The following TNKS variants were observed in gnomAD, a reference collection of about 807,000 sequenced individuals.
TNKS encodes tankyrase.
TNKS carries 72 observed loss-of-function variants against 135.8 expected under a neutral mutation model. The observed-to-expected ratio is 0.53, with a 90% CI of 0.44 to 0.64. The LOEUF (loss-of-function observed/expected upper bound fraction) is 0.64. TNKS is among the 30% of genes least tolerant of loss of function. The pLI is 0.00. For synonymous variants in TNKS, 849 were observed against 649.3 expected, an observed-to-expected ratio of 1.31 and a Z score of -4.68; for missense variants, 1,769 against 1,674.0, an observed-to-expected ratio of 1.06 and a Z score of -0.99.
In TNKS at chr8:9,754,090, T is replaced by C. The variant is rs1345763312; in HGVS notation, c.3153+1464T>C. Among the ~76,000 whole-genome samples the C allele has an allele frequency of 2.0e-5, 3 of 152,206 alleles. No homozygotes were observed. The East Asian group carries it at 5.8e-4, about 29-fold the overall frequency. On this transcript the variant is annotated intron_variant, in intron 20 of 26. Coordinates refer to ENST00000310430, the MANE Select transcript of TNKS (RefSeq NM_003747.3). ...TTTGCATTGAATTTGAGGCCACCAG[T>C]ATAATCCTGGGTGATCTCCTCATCT...
chr8:9,702,290 G>A (rs887883671), intron 5 of TNKS, among the ~76,000 whole-genome samples: 2 of 151,760 alleles, frequency 1.3e-5, no homozygotes, highest in African/African-American at 4.8e-5. Context: ...TCCAATTGTG[G>A]GCATGCATGC....
At chr8:9,576,029 G>T (rs921440920) in intron 1 of TNKS, among the ~76,000 whole-genome samples, 3 of 152,170 alleles carry the variant, frequency 2.0e-5, no homozygotes, top group African/African-American at 7.2e-5. Flanking sequence ...ACCTTCTGTA[G>T]AAGGTGTAGA....
chr8:9,659,625 A>G (rs1286573798), intron 3 of TNKS, among the ~76,000 whole-genome samples: 1 of 152,224 alleles, frequency 6.6e-6, no homozygotes, highest in Non-Finnish European at 1.5e-5. Flanking sequence ...TGCCCACAAG[A>G]GAAAGCAGGA....
At chr8:9,768,911 C>A (rs1807627612) in intron 25 of TNKS, among the ~76,000 whole-genome samples, 1 of 152,168 alleles carries the variant, frequency 6.6e-6, no homozygotes, top group African/African-American at 2.4e-5. Flanking sequence ...GGATCCAGCA[C>A]AAATTTTAGT....
chr8:9,768,753 A>G (rs1807616433), intron 25 of TNKS, among the ~76,000 whole-genome samples: 1 of 152,238 alleles, frequency 6.6e-6, no homozygotes, highest in Non-Finnish European at 1.5e-5. Context: ...GTAGAGAGAG[A>G]TGGAGCTCAA....
At chr8:9,734,190 C>G (rs184687311) in intron 15 of TNKS, among the ~76,000 whole-genome samples, 6 of 152,244 alleles carry the variant, frequency 3.9e-5, no homozygotes, top group African/African-American at 1.4e-4. Context: ...GAAATAACTT[C>G]CAAGTCATTG....
chr8:9,768,932 T>TA (rs1188203846), intron 25 of TNKS, among the ~76,000 whole-genome samples: 1 of 152,206 alleles, frequency 6.6e-6, no homozygotes, highest in African/African-American at 2.4e-5. Context: ...TGACTCAAGA[T>TA]AAAATCTCTG....
In TNKS at chr8:9,766,402, C is replaced by G; in HGVS notation, c.3717C>G (p.Asp1239Glu). The stretch of plus-strand genomic sequence containing the variant: ...GAACAGGCTGCCCTACACACAAGGA[C>G]AGGTCATGCTATATATGTCACAGGT... ...GGGTGCPTHK[D>E]RSCYICHRQM... Residue 1239 changes from aspartate (D) to glutamate (E), a missense_variant, in exon 25 of 27, where the codon GAC becomes GAG. This residue lies in a region of TNKS where 722 missense variants were observed against 688.9 expected (regional missense o/e 1.05). Transcript: ENST00000310430. The G allele has an allele frequency of 6.2e-7, 1 of 1,610,672 alleles. No individual in the cohort carries two copies. Among genetic ancestry groups the G allele is most frequent in the Non-Finnish European group, 8.5e-7 (1 of 1,178,138 alleles).
At chr8:9,706,097 T>C in intron 6 of TNKS, 90 bp from the exon 7 acceptor site, 1 of 785,410 alleles carries the variant, frequency 1.3e-6, no homozygotes, top group East Asian at 3.0e-5. Flanking sequence ...AATAATTGTA[T>C]TGGGATTTAT....
intron 5 of TNKS, among the ~76,000 whole-genome samples, chr8:9,699,772 G>GCT (rs1028728216): frequency 1.1e-4 from 16 of 152,084 alleles, no homozygotes; most frequent in African/African-American, 3.6e-4. Flanking sequence ...CATAGAGTTT[G>GCT]CTCTCTCTCT....
In TNKS at chr8:9,561,240, G is replaced by T. The variant is rs558539326; in HGVS notation, c.673+4628G>T. Among the ~76,000 whole-genome samples the T allele has an allele frequency of 1.6e-4, 25 of 152,202 alleles. No individual in the cohort carries two copies. The East Asian group carries it at 1.9e-3, about 12-fold the overall frequency. On this transcript the variant is annotated intron_variant, in intron 1 of 26. Transcript: ENST00000310430. ...TATTTGTGTAAAGATTTATCTTTTA[G>T]TGTGAAATCTGTGCAAATCTTATGT...
rs1440850807 is a variant in TNKS, at chr8:9,777,959, C to G, written c.*1223C>G. 6.6e-6 allele frequency: 1 copy of G among 152,558 alleles called. No homozygotes were observed. The highest frequency in any genetic ancestry group is 2.4e-5 in the African/African-American group (1 of 41,416). The allele number at this position is 152,558 out of a possible 1,614,324, so 9.5% of individuals were successfully genotyped here. ...ATGCTTCAAATAGTTCATAAAGATC[C>G]TTGCATTAAATTTCTGAACCATTTC... On this transcript the variant is annotated 3_prime_UTR_variant, in exon 27 of 27. Coordinates refer to ENST00000310430, the MANE Select transcript of TNKS (RefSeq NM_003747.3).
intron 26 of TNKS, among the ~76,000 whole-genome samples, chr8:9,771,453 G>GA (rs373540444): frequency 0.14 from 12,570 of 89,886 alleles, 784 homozygotes; most frequent in South Asian, 0.21. Context: ...GGAAAAGAGA[G>GA]AGAAGAAGGG....
intron 2 of TNKS, among the ~76,000 whole-genome samples, chr8:9,604,720 C>G (rs1007078329): frequency 6.6e-6 from 1 of 151,806 alleles, no homozygotes; most frequent in African/African-American, 2.4e-5. Flanking sequence ...CTAGGAAAAT[C>G]TGTGGCATTA....
chr8:9,628,950 C>G (rs923185263), intron 3 of TNKS, among the ~76,000 whole-genome samples: 1 of 152,170 alleles, frequency 6.6e-6, no homozygotes, highest in South Asian at 2.1e-4. Context: ...ACCTACAAGT[C>G]GGACTTTATT....
chr8:9,644,622 A>G (rs994913987), intron 3 of TNKS, among the ~76,000 whole-genome samples: 6 of 152,178 alleles, frequency 3.9e-5, no homozygotes, highest in African/African-American at 1.4e-4. Context: ...GCATAATTTA[A>G]ACAAATTGGG....
In TNKS at chr8:9,772,809, T is replaced by G. The variant is rs75811164; in HGVS notation, c.3897+2547T>G. Among the ~76,000 whole-genome samples the G allele has an allele frequency of 2.6e-3, 223 of 86,636 alleles. 2 individuals are homozygous for G. Among genetic ancestry groups the G allele is most frequent in the South Asian group, 4.7e-3 (12 of 2,548 alleles). 56.8% of individuals were successfully genotyped at this position (86,636 alleles called of 152,430 possible). The stretch of plus-strand genomic sequence containing the variant: ...TTGGGGAGAATGTGTGTGTGTGTGT[T>G]TGTGTGTGTGTGTGTGTGTGTCTGT... On this transcript the variant is annotated intron_variant, in intron 26 of 26. Transcript: ENST00000310430.
chr8:9,697,928 A>T (rs1034499710), intron 5 of TNKS, among the ~76,000 whole-genome samples: 1 of 152,220 alleles, frequency 6.6e-6, no homozygotes, highest in Non-Finnish European at 1.5e-5. Context: ...ATAGATTATC[A>T]TACCAAAAAG....
At chr8:9,693,674 G>GT (rs1033309482) in intron 5 of TNKS, among the ~76,000 whole-genome samples, 1 of 152,024 alleles carries the variant, frequency 6.6e-6, no homozygotes, top group Non-Finnish European at 1.5e-5. Context: ...GATGCAGGAA[G>GT]TTAAAAAAAA....
Sources: allele counts gnomAD v4.1 joint callset (sites outside exome capture counted in the v4.1 genomes callset), GRCh38; gene constraint gnomAD v4.1.1; regional missense constraint gnomAD v4.1.1; transcripts MANE v1.5; gene names NCBI Gene and HGNC (gene_info 2026-07-23, HGNC 2026-07-21).